The following SLC45A1 variants were observed in gnomAD, a reference collection of about 807,000 sequenced individuals.
SLC45A1 encodes the protein proton-associated sugar transporter A.
SLC45A1 carries 28 observed loss-of-function variants against 57.6 expected under a neutral mutation model. That is an observed-to-expected ratio of 0.49 (90% CI 0.36 to 0.67). The LOEUF (loss-of-function observed/expected upper bound fraction) is 0.67. SLC45A1 is among the 30% of genes least tolerant of loss of function. The pLI, the probability that SLC45A1 is intolerant of heterozygous loss-of-function variation, is 0.00. For synonymous variants in SLC45A1, 459 were observed against 471.5 expected (o/e 0.97, Z 0.34); for missense variants, 814 against 1,041.5 (o/e 0.78, Z 3.01).
chr1:8,330,737 A>G lies in SLC45A1; in HGVS notation c.1244A>G (p.Asp415Gly), dbSNP rs751151036. 4 of 1,613,124 alleles carry G rather than the reference A, an allele frequency of 2.5e-6. No individual in the cohort carries two copies. The Admixed American group carries it at 6.7e-5, about 27-fold the overall frequency. ...PRAPDGFYRQ[D>G]RGLLEGREGA... ...GCCCCCGACGGCTTCTACCGCCAGG[A>G]CCGTGGACTTCTGGAGGGCAGAGAG... Residue 415 changes from aspartate (D) to glycine (G), a missense_variant, in exon 5 of 9, where the codon GAC (aspartate) becomes GGC (glycine). Asp to Gly is a moderately conservative substitution (Grantham distance 94, BLOSUM62 -1). Coordinates refer to ENST00000471889, the MANE Select transcript of SLC45A1 (RefSeq NM_001080397.3). The surrounding 1 kb of genome is among the most constrained non-coding windows in gnomAD (Gnocchi z 8.4).
At position 8,330,919 on chromosome 1, in the gene SLC45A1, G is replaced by C; in HGVS notation, c.1426G>C (p.Val476Leu). 6.3e-7 allele frequency: 1 copy of C among 1,592,480 alleles called. No individual in the cohort carries two copies. Among genetic ancestry groups the C allele is most frequent in the Non-Finnish European group, 8.6e-7 (1 of 1,165,638 alleles). ...GGPETSRRRN[V>L]TFSQQVANIL... ...TCCCGAAACCAGCAGGAGAAGGAAT[G>C]TGACCTTCAGTCAGCAGGTAACAGC... The change falls in exon 5 of 9, where the codon GTG (valine) becomes CTG (leucine). Residue 476 changes from valine (V) to leucine (L), a missense_variant. Transcript: ENST00000471889. The surrounding 1 kb of genome is among the most constrained non-coding windows in gnomAD (Gnocchi z 8.4).
rs1232054308 is a variant in SLC45A1 at position 8,343,958 on chromosome 1, T to C, written c.2192T>C (p.Ile731Thr). Residue 731 changes from isoleucine (I) to threonine (T), a missense_variant, in exon 9 of 9, where the codon ATT (isoleucine) becomes ACT (threonine). By Grantham distance (89) the Ile-to-Thr change is moderately conservative (BLOSUM62 -1). Coordinates refer to ENST00000471889, the MANE Select transcript of SLC45A1 (RefSeq NM_001080397.3). This position sits in a 1 kb window ranked among gnomAD's most constrained non-coding sequence, Gnocchi z 7.7. ...LYSSLFVIYE[I>T]PPSDAADEEH... ...TCCTCCCTGTTTGTCATTTATGAAA[T>C]TCCTCCCAGCGACGCTGCAGACGAG... is the stretch of plus-strand genomic sequence containing the variant. The C allele has an allele frequency of 6.8e-6, 11 of 1,613,914 alleles. No homozygotes were observed. The highest frequency in any genetic ancestry group is 9.3e-6 in the Non-Finnish European group (11 of 1,179,930).
At position 8,335,395 on chromosome 1, in the gene SLC45A1, G is replaced by A. The variant is rs1280517456; in HGVS notation, c.1444-42G>A. 6.5e-7 allele frequency: 1 copy of A among 1,542,682 alleles called. No individual in the cohort carries two copies. The highest frequency in any genetic ancestry group is 8.7e-7 in the Non-Finnish European group (1 of 1,148,664). ...AGAGCAGGGTCTGCGCTGTGTGATGGGGGTGCGGGGCTCTGATGAGGGGTT... is the reference window on the plus strand; with the variant it reads ...AGAGCAGGGTCTGCGCTGTGTGATGAGGGTGCGGGGCTCTGATGAGGGGTT... On this transcript the variant is annotated intron_variant, in intron 5 of 8. Transcript: ENST00000471889. This position sits in a 1 kb window ranked among gnomAD's most constrained non-coding sequence, Gnocchi z 4.1.
chr1:8,338,173 A>G (rs1179489845), intron 7 of SLC45A1, among the ~76,000 whole-genome samples, 181 bp downstream of exon 7: 1 of 152,112 alleles, frequency 6.6e-6, no homozygotes, highest in African/African-American at 2.4e-5. Context: ...GAAGAAATGG[A>G]GCTTACCAGC....
In SLC45A1 at chr1:8,343,710, G is replaced by A. The variant is rs780451662; in HGVS notation, c.1981-37G>A. 1.8e-5 allele frequency: 29 copies of A among 1,584,142 alleles called. No homozygotes were observed. The East Asian group carries it at 2.5e-4, about 14-fold the overall frequency. ...AGCTCGGTCACCCCGTGCTGGCCGC[G>A]GCGTGTCTCGCTGACACGTTTCTTC... On this transcript the variant is annotated intron_variant, in intron 8 of 8. Coordinates refer to ENST00000471889, the MANE Select transcript of SLC45A1 (RefSeq NM_001080397.3). The surrounding 1 kb of genome is among the most constrained non-coding windows in gnomAD (Gnocchi z 7.7).
rs373481776 is a variant in SLC45A1 at position 8,335,484 on chromosome 1, G to A, written c.1491G>A (p.Thr497=). The A allele has an allele frequency of 1.9e-4, 298 of 1,601,350 alleles. No homozygotes were observed. Among genetic ancestry groups the A allele is most frequent in the Non-Finnish European group, 2.4e-4 (279 of 1,179,480 alleles). Residue 497 remains threonine, a synonymous_variant, in exon 6 of 9, where the codon ACG becomes ACA. Coordinates refer to ENST00000471889, the MANE Select transcript of SLC45A1 (RefSeq NM_001080397.3). This position sits in a 1 kb window ranked among gnomAD's most constrained non-coding sequence, Gnocchi z 4.1. ...LNGVKYESEL[T]GSSERAEQPL... is the part of the protein sequence containing the mutation. ...GCGTGAAGTATGAGAGCGAGCTGACGGGCTCCAGCGAGCGCGCGGAGCAGC... is the reference window on the plus strand; with the variant it reads ...GCGTGAAGTATGAGAGCGAGCTGACAGGCTCCAGCGAGCGCGCGGAGCAGC...
rs1237876218 is a variant in SLC45A1, at chr1:8,326,750, G to A, written c.715+708G>A. On this transcript the variant is annotated intron_variant, in intron 4 of 8. Coordinates refer to ENST00000471889, the MANE Select transcript of SLC45A1 (RefSeq NM_001080397.3). This position sits in a 1 kb window ranked among gnomAD's most constrained non-coding sequence, Gnocchi z 5.5. ...TCCCAGCACTTTGGGAGGGTGAGGT[G>A]GGTGGATCACCTGAGGTCGGGAGTT... Among the ~76,000 whole-genome samples, 1 of 152,112 alleles carries A rather than the reference G, an allele frequency of 6.6e-6. No homozygotes were observed. Among genetic ancestry groups the A allele is most frequent in the African/African-American group, 2.4e-5 (1 of 41,414 alleles).
chr1:8,332,014 G>A (rs1332544699), intron 5 of SLC45A1, among the ~76,000 whole-genome samples: 5 of 152,086 alleles, frequency 3.3e-5, no homozygotes, highest in Non-Finnish European at 1.5e-5. Flanking sequence ...GGATGGTTTC[G>A]ATCTCCTGAC....
chr1:8,332,738 T>C (rs1005545529), intron 5 of SLC45A1, among the ~76,000 whole-genome samples: 7 of 152,120 alleles, frequency 4.6e-5, no homozygotes, highest in African/African-American at 1.7e-4. Context: ...CTCGAACTCC[T>C]GGCCTCAAGT....
At position 8,324,641 on chromosome 1, in the gene SLC45A1, G is replaced by A; in HGVS notation, c.312G>A (p.Glu104=). ...GCATCGAGTTCAGCTACGCCATGGA[G>A]ACGGCGTACGTGACCCCGGTGCTCC... ...LFGIEFSYAM[E]TAYVTPVLLQ... The change falls in exon 2 of 9, where the codon GAG becomes GAA. Residue 104 remains glutamate, a synonymous_variant. Coordinates refer to ENST00000471889, the MANE Select transcript of SLC45A1 (RefSeq NM_001080397.3). 2 of 1,606,884 alleles carry A rather than the reference G, an allele frequency of 1.2e-6. No individual in the cohort carries two copies. The highest frequency in any genetic ancestry group is 1.7e-6 in the Non-Finnish European group (2 of 1,176,988).
intron 7 of SLC45A1, among the ~76,000 whole-genome samples, chr1:8,338,543 G>A (rs1640699002): frequency 6.6e-6 from 1 of 152,250 alleles, no homozygotes; most frequent in Non-Finnish European, 1.5e-5. Flanking sequence ...CGTGCACCGG[G>A]CAAATTTTAT....
chr1:8,339,521 C>T lies in SLC45A1; in HGVS notation c.1803C>T (p.Leu601=). The change falls in exon 8 of 9, where the codon CTC becomes CTT. Residue 601 remains leucine, a synonymous_variant. Transcript: ENST00000471889. ...TCCTGGAGAAGCTGGAGGAGTTCCT[C>T]AGCGTCCGCACCCTCTACTTCATCG... is the stretch of plus-strand genomic sequence containing the variant. ...SAILEKLEEF[L]SVRTLYFIAY... is the part of the protein sequence containing the mutation. 6.2e-7 allele frequency: 1 copy of T among 1,614,208 alleles called. No individual in the cohort carries two copies. The highest frequency in any genetic ancestry group is 8.5e-7 in the Non-Finnish European group (1 of 1,180,040).
chr1:8,318,835 T>C (rs1315794482), intron 1 of SLC45A1, among the ~76,000 whole-genome samples: 1 of 152,098 alleles, frequency 6.6e-6, no homozygotes, highest in Non-Finnish European at 1.5e-5. Context: ...TTGGGAAAAG[T>C]TGGCCCTGGA....
chr1:8,330,897 C>G lies in SLC45A1; in HGVS notation c.1404C>G (p.Pro468=), dbSNP rs757279390. The part of the protein sequence containing the change: ...AIPDAAGGGG[P]ETSRRRNVTF... ...CGGACGCAGCCGGAGGAGGGGGTCC[C>G]GAAACCAGCAGGAGAAGGAATGTGA... The change falls in exon 5 of 9, where the codon CCC becomes CCG. Residue 468 remains proline, a synonymous_variant. Transcript: ENST00000471889. This position sits in a 1 kb window ranked among gnomAD's most constrained non-coding sequence, Gnocchi z 8.4. 6.2e-7 allele frequency: 1 copy of G among 1,601,466 alleles called. No homozygotes were observed. Among genetic ancestry groups the G allele is most frequent in the Admixed American group, 1.7e-5 (1 of 59,552 alleles).
At position 8,330,399 on chromosome 1, in the gene SLC45A1, C is replaced by T. The variant is rs774116352; in HGVS notation, c.906C>T (p.Ala302=). ...GGCCGCCGAGTGAGAAGCGGGCAGCCATGAAGAGCCCCAGCCTCCCGCTGC... is the reference window on the plus strand; with the variant it reads ...GGCCGCCGAGTGAGAAGCGGGCAGCTATGAAGAGCCCCAGCCTCCCGCTGC... ...PLRPPSEKRA[A]MKSPSLPLPP... Residue 302 remains alanine (A), a synonymous_variant, in exon 5 of 9, where the codon GCC becomes GCT. Coordinates refer to ENST00000471889, the MANE Select transcript of SLC45A1 (RefSeq NM_001080397.3). This position sits in a 1 kb window ranked among gnomAD's most constrained non-coding sequence, Gnocchi z 8.4. The T allele has an allele frequency of 9.3e-6, 15 of 1,612,586 alleles. No homozygotes were observed. The highest frequency in any genetic ancestry group is 8.5e-7 in the Non-Finnish European group (1 of 1,179,854).
intron 5 of SLC45A1, among the ~76,000 whole-genome samples, chr1:8,331,144 G>C (rs1210798618): frequency 6.6e-6 from 1 of 152,212 alleles, no homozygotes; most frequent in Non-Finnish European, 1.5e-5. Context: ...AGGAGGCTAA[G>C]GCAGGAGGAT....
At chr1:8,320,655 C>T (rs1639975908) in intron 1 of SLC45A1, among the ~76,000 whole-genome samples, 1 of 146,892 alleles carries the variant, frequency 6.8e-6, no homozygotes, top group Middle Eastern at 3.3e-3. Flanking sequence ...GTCTGTCTGT[C>T]TGTCTCTCTC....
chr1:8,321,907 A>T (rs968704676), intron 1 of SLC45A1, among the ~76,000 whole-genome samples: 11 of 125,596 alleles, frequency 8.8e-5, no homozygotes, highest in African/African-American at 1.2e-4. Flanking sequence ...GGGTGGGTGG[A>T]TGGATGGATG....
At chr1:8,329,215 T>C (rs1640295581) in intron 4 of SLC45A1, among the ~76,000 whole-genome samples, 1 of 152,198 alleles carries the variant, frequency 6.6e-6, no homozygotes, top group African/African-American at 2.4e-5. Flanking sequence ...AGCCTGTCCA[T>C]AGAAGTTCTT....
Sources: gnomAD v4.1 joint callset for allele counts (sites outside exome capture counted in the v4.1 genomes callset) on GRCh38, gnomAD v4.1.1 for gene constraint, Gnocchi (gnomAD v3.1) non-coding constraint, MANE v1.5 for transcripts, NCBI Gene and HGNC (gene_info 2026-07-23, HGNC 2026-07-21) for gene names.